The following STAMBP variants were observed in gnomAD, a reference collection of about 807,000 sequenced individuals.
STAMBP encodes the protein STAM binding protein.
In STAMBP, 31 loss-of-function variants were observed where a neutral mutation model predicts 50.7. The observed-to-expected ratio is 0.61, with a 90% confidence interval of 0.46 to 0.83. STAMBP has a LOEUF of 0.83. Ranked by LOEUF, STAMBP falls within the 40% of genes least tolerant of loss-of-function variation. The probability of loss-of-function intolerance (pLI) is 0.00; values close to 1 mark genes in which losing one functional copy is unlikely to be tolerated. For missense variants in STAMBP, 472 were observed against 518.9 expected, an observed-to-expected ratio of 0.91 and a Z score of 0.88; for synonymous variants, 211 against 192.4, an observed-to-expected ratio of 1.10 and a Z score of -0.80.
chr2:73,853,520 G>A (rs551491626), intron 7 of STAMBP, among the ~76,000 whole-genome samples: 5 of 152,148 alleles, frequency 3.3e-5, no homozygotes, highest in East Asian at 1.9e-4. Context: ...TCAGGAGTGC[G>A]AGACCAGCCT....
Position 73,847,650 on chromosome 2 carries a change from C to T in STAMBP, c.639C>T (p.Val213=). ...TAGATGTGTTCCCCACCTTAACAGT[C>T]TCATCCATACAGCCTTCAGACTGTC... ...PSLDVFPTLT[V]SSIQPSDCHT... The change falls in exon 5 of 10, where the codon GTC becomes GTT. Residue 213 remains valine, a synonymous_variant. Transcript: ENST00000394070. 6.2e-7 allele frequency: 1 copy of T among 1,614,218 alleles called. No individual in the cohort carries two copies. The highest frequency in any genetic ancestry group is 8.5e-7 in the Non-Finnish European group (1 of 1,180,034).
At chr2:73,852,277 CAG>C (rs1416303596) in intron 7 of STAMBP, among the ~76,000 whole-genome samples, 4 of 152,134 alleles carry the variant, frequency 2.6e-5, no homozygotes, top group Non-Finnish European at 4.4e-5. Flanking sequence ...AATGGTGACT[CAG>C]AGATTTGGGG....
chr2:73,837,609 AAAAG>A (rs1158313553), intron 2 of STAMBP, among the ~76,000 whole-genome samples: 2 of 149,326 alleles, frequency 1.3e-5, no homozygotes, highest in African/African-American at 5.0e-5. Flanking sequence ...AAAAAAAAAA[AAAAG>A]AACACATTAA....
chr2:73,850,546 T>G lies in STAMBP; in HGVS notation c.1005+33T>G. ...ATTCTGAGCTGTCCGAGAGTTAGTC[T>G]CTGCCTCTCCCATGGTGGTATAAAT... On this transcript the variant is annotated intron_variant, in intron 7 of 9. Transcript: ENST00000394070. This position sits in a 1 kb window ranked among gnomAD's most constrained non-coding sequence, Gnocchi z 4.3. The G allele has an allele frequency of 1.3e-6, 2 of 1,597,606 alleles. No homozygotes were observed. The highest frequency in any genetic ancestry group is 2.3e-5 in the South Asian group (2 of 88,322).
At chr2:73,831,113 T>G in intron 2 of STAMBP, 54 bp downstream of exon 2, 1 of 1,498,556 alleles carries the variant, frequency 6.7e-7, no homozygotes, top group South Asian at 1.1e-5. Flanking sequence ...CCTCGCCTAT[T>G]TGGCTCAGAA....
intron 2 of STAMBP, among the ~76,000 whole-genome samples, chr2:73,837,311 C>T (rs2104316223): frequency 6.6e-6 from 1 of 152,296 alleles, no homozygotes; most frequent in Non-Finnish European, 1.5e-5. Flanking sequence ...TTAGGCCGGG[C>T]ACAGTGGCTC....
At position 73,845,184 on chromosome 2, in the gene STAMBP, A is replaced by G. The variant is rs749890674; in HGVS notation, c.297A>G (p.Ala99=). The change falls in exon 4 of 10, where the codon GCA becomes GCG. Residue 99 remains alanine (A), a synonymous_variant. Transcript: ENST00000394070. ...KDTVKKLKEI[A]FPKAEELKAE... Reference sequence around the variant, plus strand: ...TGTCTCAGAAATTAAAGGAGATTGCATTTCCCAAAGCAGAAGAGCTGAAGG... The same window carrying G: ...TGTCTCAGAAATTAAAGGAGATTGCGTTTCCCAAAGCAGAAGAGCTGAAGG... 5 of 1,614,038 alleles carry G rather than the reference A, an allele frequency of 3.1e-6. No individual in the cohort carries two copies. Among genetic ancestry groups the G allele is most frequent in the Non-Finnish European group, 3.4e-6 (4 of 1,179,910 alleles).
intron 7 of STAMBP, among the ~76,000 whole-genome samples, chr2:73,853,138 C>T (rs556921699): frequency 2.0e-5 from 3 of 151,952 alleles, no homozygotes; most frequent in Non-Finnish European, 4.4e-5. Context: ...AGACTCGGAT[C>T]GGCCTGGATT....
rs368585838 is a variant in STAMBP at position 73,832,788 on chromosome 2, C to G, written c.203+1729C>G. On this transcript the variant is annotated intron_variant, in intron 2 of 9. Transcript: ENST00000394070. ...GCAGTGTGACAACCAAAAATGTCAC[C>G]AGACATTATCTGATGTTCTCCCAGG... 1.7e-4 allele frequency among the ~76,000 whole-genome samples: 26 copies of G among 152,254 alleles called. No homozygotes were observed. The South Asian group carries it at 5.4e-3, about 32-fold the overall frequency.
At chr2:73,851,202 A>AG (rs772417595) in intron 7 of STAMBP, among the ~76,000 whole-genome samples, 2 of 152,218 alleles carry the variant, frequency 1.3e-5, no homozygotes, top group African/African-American at 2.4e-5. Flanking sequence ...CTGACCTGTG[A>AG]GGCAGTCCCA....
intron 2 of STAMBP, among the ~76,000 whole-genome samples, chr2:73,836,687 G>A (rs1470092741): frequency 1.3e-5 from 2 of 152,214 alleles, no homozygotes; most frequent in Non-Finnish European, 2.9e-5. Flanking sequence ...GCCGGCTGGG[G>A]AACAGGGCCT....
intron 7 of STAMBP, among the ~76,000 whole-genome samples, chr2:73,855,236 T>C (rs1230458800): frequency 6.6e-6 from 1 of 152,176 alleles, no homozygotes; most frequent in East Asian, 1.9e-4. Context: ...AATTTCCCTC[T>C]TAGGTACCCA....
Position 73,849,495 on chromosome 2 carries a change from GAAAAA to G in STAMBP, c.867+14_867+18del. The G allele has an allele frequency of 7.0e-7, 1 of 1,426,010 alleles. No homozygotes were observed. Among genetic ancestry groups the G allele is most frequent in the Non-Finnish European group, 9.4e-7 (1 of 1,062,200 alleles). 88.3% of individuals were successfully genotyped at this position (1,426,010 alleles called of 1,614,324 possible). On this transcript the variant is annotated intron_variant, in intron 6 of 9. Transcript: ENST00000394070. ...ATTCTCTGTGGAAAACTGGTAAAAAGAAAAAAAAAACCAAACTCTTCTCTGAACCG... is the reference window on the plus strand; with the variant it reads ...ATTCTCTGTGGAAAACTGGTAAAAAGAAAAACCAAACTCTTCTCTGAACCG...
rs1485728988 is a variant in STAMBP at position 73,863,698 on chromosome 2, T to A, written c.*1439T>A. The A allele has an allele frequency of 6.6e-6, 1 of 152,272 alleles. No homozygotes were observed. 9.4% of individuals were successfully genotyped at this position (152,272 alleles called of 1,614,324 possible). ...CTGCTGCAGCCCAGAGCAGCCTGGC[T>A]GTTCCACCTTGCTCTAAACAGTCCT... On this transcript the variant is annotated 3_prime_UTR_variant, in exon 10 of 10. Coordinates refer to ENST00000394070, the MANE Select transcript of STAMBP (RefSeq NM_213622.4).
chr2:73,848,650 G>A (rs892077588), intron 5 of STAMBP, among the ~76,000 whole-genome samples: 9 of 152,124 alleles, frequency 5.9e-5, no homozygotes, highest in Non-Finnish European at 1.2e-4. Context: ...TTCTTGCTGC[G>A]TCATCCCACG....
At position 73,864,762 on chromosome 2, in the gene STAMBP, A is replaced by G. The variant is rs1161306264; in HGVS notation, c.*2503A>G. On this transcript the variant is annotated 3_prime_UTR_variant, in exon 10 of 10. Transcript: ENST00000394070. ...GTGTTCTGGGCTGAGAGGGGAGACA[A>G]AAGCATCGTCAGGTTGCCAAACAAT... is the stretch of plus-strand genomic sequence containing the variant. 2.0e-5 allele frequency: 3 copies of G among 152,366 alleles called. No individual in the cohort carries two copies. The highest frequency in any genetic ancestry group is 2.1e-4 in the South Asian group (1 of 4,826). The allele number at this position is 152,366 out of a possible 1,614,324, so 9.4% of individuals were successfully genotyped here.
downstream of STAMBP, among the ~76,000 whole-genome samples, chr2:73,869,193 G>T (rs1679097255): frequency 2.0e-5 from 3 of 152,154 alleles, no homozygotes; most frequent in African/African-American, 7.2e-5. Flanking sequence ...TTCACTAAAA[G>T]ATACATTTTA....
Position 73,844,813 on chromosome 2 carries a change from G to T in STAMBP, c.204G>T (p.Thr68=). Residue 68 remains threonine, a splice_region_variant and synonymous_variant, in exon 3 of 10, where the codon ACG becomes ACT. Coordinates refer to ENST00000394070, the MANE Select transcript of STAMBP (RefSeq NM_213622.4). ...TAATCATTTTGAACTGTTTCCTTAG[G>T]CTCTTTATTGAGAAACTACCAAAAC... ...HAFILYNKYI[T]LFIEKLPKHR... is the part of the protein sequence containing the mutation. 6.2e-7 allele frequency: 1 copy of T among 1,613,028 alleles called. No individual in the cohort carries two copies. Among genetic ancestry groups the T allele is most frequent in the Non-Finnish European group, 8.5e-7 (1 of 1,179,190 alleles).
intron 2 of STAMBP, among the ~76,000 whole-genome samples, chr2:73,843,072 CTAAAA>C (rs1323526986): frequency 6.6e-6 from 1 of 151,856 alleles, no homozygotes; most frequent in Admixed American, 6.6e-5. Context: ...CTATCAGTCT[CTAAAA>C]TATAAGAAAT....
Sources: allele counts gnomAD v4.1 joint callset (sites outside exome capture counted in the v4.1 genomes callset), GRCh38; gene constraint gnomAD v4.1.1; non-coding constraint Gnocchi (gnomAD v3.1); transcripts MANE v1.5; gene names NCBI Gene and HGNC (gene_info 2026-07-23, HGNC 2026-07-21).